The following BTBD10 variants were observed in gnomAD, a reference collection of about 807,000 sequenced individuals.
The protein encoded by BTBD10 is BTB domain containing 10, also known as BTB/POZ domain-containing protein 10.
BTBD10 carries 21 observed loss-of-function variants against 53.2 expected under a neutral mutation model. The ratio of observed to expected loss-of-function variants is 0.39; its 90% CI spans 0.28 to 0.57. BTBD10 has a LOEUF of 0.57. BTBD10 is among the 20% of genes least tolerant of loss of function. The pLI, the probability that BTBD10 is intolerant of heterozygous loss-of-function variation, is 0.53. For missense variants in BTBD10, 360 were observed against 594.7 expected (o/e 0.61, Z 4.10); for synonymous variants, 149 against 192.7 (o/e 0.77, Z 1.88).
chr11:13,428,844 T>C (rs574386999), intron 2 of BTBD10, among the ~76,000 whole-genome samples: 6 of 152,272 alleles, frequency 3.9e-5, no homozygotes, highest in African/African-American at 1.4e-4. Flanking sequence ...CTGTCTTTAT[T>C]TGCAGAAAAC....
At chr11:13,409,611 G>A (rs1949898211) in intron 6 of BTBD10, among the ~76,000 whole-genome samples, 1 of 151,662 alleles carries the variant, frequency 6.6e-6, no homozygotes, top group Non-Finnish European at 1.5e-5. Context: ...TTAAACCTCT[G>A]CACACATCAT....
chr11:13,410,836 C>T (rs1949926388), intron 6 of BTBD10, among the ~76,000 whole-genome samples: 1 of 152,092 alleles, frequency 6.6e-6, no homozygotes, highest in African/African-American at 2.4e-5. Flanking sequence ...AGAGCAGAAA[C>T]TATATGAAGA....
At position 13,389,023 on chromosome 11, in the gene BTBD10, A is replaced by G. The variant is rs773380514; in HGVS notation, c.1236T>C (p.Ser412=). The G allele has an allele frequency of 2.0e-5, 33 of 1,613,686 alleles. No individual in the cohort carries two copies. The highest frequency in any genetic ancestry group is 1.2e-4 in the Admixed American group (7 of 59,998). ...RMSWEKEEGK[S]RHVDFQCVKS... is the part of the protein sequence containing the mutation. ...TTACACACTGAAAGTCTACATGCCG[A>G]CTCTTTCCTTCTTCCTTCTCCCAGG... Residue 412 remains serine (S), a synonymous_variant, in exon 9 of 9, where the codon AGT becomes AGC. Transcript: ENST00000278174.
intron 2 of BTBD10, among the ~76,000 whole-genome samples, chr11:13,428,990 G>A (rs796299703): frequency 7.2e-5 from 11 of 151,946 alleles, no homozygotes; most frequent in African/African-American, 2.2e-4. Context: ...ACCTAAAATT[G>A]AAATTTTAAA....
intron 1 of BTBD10, among the ~76,000 whole-genome samples, chr11:13,450,757 C>T (rs143138533): frequency 7.8e-4 from 119 of 152,240 alleles, no homozygotes; most frequent in Non-Finnish European, 1.2e-3. Context: ...ATCAGACAGA[C>T]GGAAAGAAAC....
At chr11:13,406,763 ATAT>A (rs1418557716) in intron 6 of BTBD10, among the ~76,000 whole-genome samples, 2 of 150,008 alleles carry the variant, frequency 1.3e-5, no homozygotes, top group Non-Finnish European at 2.9e-5. Context: ...CTATAATTAT[ATAT>A]TATATAATAA....
intron 8 of BTBD10, among the ~76,000 whole-genome samples, chr11:13,393,456 T>G (rs954476588): frequency 3.5e-4 from 53 of 152,280 alleles, no homozygotes; most frequent in African/African-American, 1.1e-3. Context: ...AGTAACAAAA[T>G]GGCTAACTCG....
intron 1 of BTBD10, among the ~76,000 whole-genome samples, chr11:13,452,402 T>C (rs1173921921): frequency 6.6e-6 from 1 of 152,218 alleles, no homozygotes; most frequent in African/African-American, 2.4e-5. Flanking sequence ...TGTATGCTTT[T>C]ATCAAAACTG....
intron 1 of BTBD10, among the ~76,000 whole-genome samples, chr11:13,446,915 A>G (rs1306126757): frequency 6.6e-6 from 1 of 152,162 alleles, no homozygotes. Flanking sequence ...AAATGGGGAG[A>G]ATGAACAAAT....
chr11:13,420,480 A>G (rs937144214), intron 3 of BTBD10, among the ~76,000 whole-genome samples: 5 of 152,150 alleles, frequency 3.3e-5, no homozygotes, highest in African/African-American at 1.2e-4. Flanking sequence ...TAAAATTCAG[A>G]AAATTTTCTT....
chr11:13,433,416 C>G (rs1474495216), intron 2 of BTBD10, among the ~76,000 whole-genome samples: 2 of 152,106 alleles, frequency 1.3e-5, no homozygotes. Flanking sequence ...AATAAAGAAG[C>G]AATATTTTAA....
chr11:13,389,244 T>G lies in BTBD10; in HGVS notation c.1118-103A>C, dbSNP rs889162361. ...TGCTATAGATCCTAAAGAAACAAAT[T>G]TAAAACAAAGAAGTGAAAACAATAT... On this transcript the variant is annotated intron_variant, in intron 8 of 8. Coordinates refer to ENST00000278174, the MANE Select transcript of BTBD10 (RefSeq NM_032320.7). The G allele has an allele frequency of 3.2e-6, 3 of 945,512 alleles. No homozygotes were observed. In the African/African-American group the frequency reaches 5.0e-5, roughly 16 times the overall value. 58.6% of individuals were successfully genotyped at this position (945,512 alleles called of 1,614,324 possible). A position where few individuals can be genotyped will look rare whatever the true frequency, so the allele number is the denominator to read the frequency against.
intron 7 of BTBD10, among the ~76,000 whole-genome samples, chr11:13,405,051 CTCA>C (rs1163754497): frequency 6.6e-6 from 1 of 151,824 alleles, no homozygotes; most frequent in Non-Finnish European, 1.5e-5. Context: ...TAATATTGGG[CTCA>C]TCAAGAAAAA....
chr11:13,430,974 T>TACACACAC (rs3046409), intron 2 of BTBD10, among the ~76,000 whole-genome samples: 57,194 of 144,204 alleles, frequency 0.4, 11,533 homozygotes, highest in Non-Finnish European at 0.45. Context: ...TGGAGATACA[T>TACACACAC]ACACACACAC....
At chr11:13,395,714 T>C (rs1949529604) in intron 8 of BTBD10, among the ~76,000 whole-genome samples, 2 of 152,224 alleles carry the variant, frequency 1.3e-5, no homozygotes, top group Admixed American at 6.5e-5. Flanking sequence ...TTAATTTTTG[T>C]ATAAGGTGTA....
chr11:13,409,343 CTTTG>C (rs1297282660), intron 6 of BTBD10, among the ~76,000 whole-genome samples: 3 of 152,244 alleles, frequency 2.0e-5, no homozygotes, highest in East Asian at 3.9e-4. Flanking sequence ...GATTTATTTA[CTTTG>C]TTTATCACGT....
intron 2 of BTBD10, among the ~76,000 whole-genome samples, chr11:13,427,133 C>T (rs761180923): frequency 1.3e-5 from 2 of 152,152 alleles, no homozygotes; most frequent in African/African-American, 4.8e-5. Flanking sequence ...GGGAGGATCA[C>T]TTGAGCCTCG....
chr11:13,407,503 G>C (rs1949857791), intron 6 of BTBD10, among the ~76,000 whole-genome samples: 1 of 149,540 alleles, frequency 6.7e-6, no homozygotes, highest in African/African-American at 2.4e-5. Context: ...CACAGTGCTG[G>C]GCATATAATG....
At chr11:13,436,289 T>C (rs1213153761) in intron 2 of BTBD10, among the ~76,000 whole-genome samples, 2 of 152,208 alleles carry the variant, frequency 1.3e-5, no homozygotes, top group Non-Finnish European at 2.9e-5. Flanking sequence ...CAGGTAATTC[T>C]TTGTTGTAAA....
Sources: allele counts gnomAD v4.1 joint callset (sites outside exome capture counted in the v4.1 genomes callset), GRCh38; gene constraint gnomAD v4.1.1; transcripts MANE v1.5; gene names NCBI Gene and HGNC (gene_info 2026-07-23, HGNC 2026-07-21).